The following KDM2B variants were observed in gnomAD, a reference collection of about 807,000 sequenced individuals.
KDM2B encodes the protein lysine demethylase 2B.
A neutral mutation model predicts 150.0 loss-of-function variants in KDM2B; 26 were observed. The observed-to-expected ratio is 0.17, with a 90% confidence interval of 0.13 to 0.24. The LOEUF (loss-of-function observed/expected upper bound fraction) is 0.24, where lower values mean the gene tolerates loss of function less well. Among genes scored for constraint, KDM2B ranks in the 10% least tolerant of loss-of-function variants. The pLI is 1.00. For synonymous variants in KDM2B, 734 were observed against 729.5 expected (o/e 1.01, Z -0.10); for missense variants, 1,265 against 1,816.9 (o/e 0.70, Z 5.52).
chr12:121,433,648 A>G (rs1873443838), intron 22 of KDM2B, among the ~76,000 whole-genome samples: 2 of 152,266 alleles, frequency 1.3e-5, no homozygotes, highest in Admixed American at 6.5e-5. Context: ...AGCACTACCC[A>G]CAGCAATCTA....
At position 121,467,303 on chromosome 12, in the gene KDM2B, C is replaced by G; in HGVS notation, c.1735-13959G>C. The G allele has an allele frequency of 1.0e-6, 1 of 981,790 alleles. No individual in the cohort carries two copies. Among genetic ancestry groups the G allele is most frequent in the African/African-American group, 1.8e-5 (1 of 56,468 alleles). The allele number at this position is 981,790 out of a possible 1,614,324, so 60.8% of individuals were successfully genotyped here. The stretch of plus-strand genomic sequence containing the variant: ...CCGGAGCAGGCTCGGCTCGCCCTGG[C>G]TCGGGCTCGGGCTCGGGCTCGGGCT... On this transcript the variant is annotated intron_variant, in intron 12 of 22. Transcript: ENST00000377071. The surrounding 1 kb of genome is among the most constrained non-coding windows in gnomAD (Gnocchi z 5.1).
intron 11 of KDM2B, 40 bp from the exon 12 acceptor site, chr12:121,494,705 G>C (rs782543249): frequency 1.3e-6 from 2 of 1,523,384 alleles, no homozygotes; most frequent in Admixed American, 3.6e-5. Flanking sequence ...CCAGGGGGAA[G>C]GGGAGGTCTC....
chr12:121,582,126 C>G (rs1891989198), upstream of KDM2B, among the ~76,000 whole-genome samples: 1 of 152,146 alleles, frequency 6.6e-6, no homozygotes, highest in Non-Finnish European at 1.5e-5. Flanking sequence ...AACCATGGAC[C>G]ATTTTATTTG....
chr12:121,466,893 G>C (rs1424959530), intron 12 of KDM2B, among the ~76,000 whole-genome samples: 1 of 146,458 alleles, frequency 6.8e-6, no homozygotes, highest in Non-Finnish European at 1.5e-5. Context: ...GGCGAGGCCC[G>C]GCGGCCCACA....
In KDM2B at chr12:121,510,047, G is replaced by C. The variant is rs1885442117; in HGVS notation, c.1175-8C>G. Reference sequence around the variant, plus strand: ...TGGGCTTCCTCGGGGCATCTGTGGGGGCAGGGTCACAAGAAAGACCGAGAT... The same window carrying C: ...TGGGCTTCCTCGGGGCATCTGTGGGCGCAGGGTCACAAGAAAGACCGAGAT... On this transcript the variant is annotated splice_polypyrimidine_tract_variant and splice_region_variant and intron_variant, in intron 10 of 22. Transcript: ENST00000377071. 6.5e-7 allele frequency: 1 copy of C among 1,531,784 alleles called. No homozygotes were observed. The highest frequency in any genetic ancestry group is 1.4e-5 in the African/African-American group (1 of 72,318). The allele number at this position is 1,531,784 out of a possible 1,614,324, so 94.9% of individuals were successfully genotyped here. A position where few individuals can be genotyped will look rare whatever the true frequency, so the allele number is the denominator to read the frequency against.
chr12:121,559,820 T>C (rs1890205906), intron 4 of KDM2B, among the ~76,000 whole-genome samples: 1 of 151,748 alleles, frequency 6.6e-6, no homozygotes, highest in Non-Finnish European at 1.5e-5. Flanking sequence ...GGAGAACTGC[T>C]TAAACCCGGG....
intron 13 of KDM2B, among the ~76,000 whole-genome samples, chr12:121,449,164 TCTC>T (rs781886773): frequency 1.2e-4 from 18 of 148,002 alleles, no homozygotes; most frequent in Admixed American, 5.4e-4. Flanking sequence ...CAGAGGCAAA[TCTC>T]CTGCAGGGGC....
chr12:121,506,386 C>T (rs1885071958), intron 11 of KDM2B, among the ~76,000 whole-genome samples: 5 of 152,122 alleles, frequency 3.3e-5, no homozygotes, highest in Admixed American at 6.6e-5. Context: ...GAGGTGATGG[C>T]ACCCACGTCC....
chr12:121,422,649 C>T, the KDM2B span, among the ~76,000 whole-genome samples: 1 of 152,214 alleles, frequency 6.6e-6, no homozygotes, highest in Admixed American at 6.5e-5. Context: ...ATTCATGATT[C>T]CCTTTGATCT....
intron 4 of KDM2B, among the ~76,000 whole-genome samples, chr12:121,566,553 G>A (rs994233854): frequency 4.0e-5 from 6 of 151,836 alleles, no homozygotes; most frequent in East Asian, 3.9e-4. Context: ...ACGGGGAGGC[G>A]GAGGTTGCAG....
At chr12:121,579,943 CAAAAAA>C (rs61355823) in intron 1 of KDM2B, 6 of 1,107,242 alleles carry the variant, frequency 5.4e-6, no homozygotes, top group Non-Finnish European at 5.7e-6. Context: ...GAGAAACAAC[CAAAAAA>C]AAAAAAAAAA....
upstream of KDM2B, among the ~76,000 whole-genome samples, chr12:121,581,994 G>C (rs1286118656): frequency 2.0e-5 from 3 of 152,206 alleles, no homozygotes; most frequent in African/African-American, 7.2e-5. Context: ...AATCTTTTAA[G>C]CAGGGATGAG....
intron 9 of KDM2B, among the ~76,000 whole-genome samples, chr12:121,517,038 G>T (rs1034434603): frequency 4.1e-4 from 62 of 152,076 alleles, no homozygotes; most frequent in African/African-American, 1.4e-3. Flanking sequence ...GCCACTGGGA[G>T]GGGGGGAAAG....
rs1555289907 is a variant in KDM2B at position 121,445,284 on chromosome 12, T to G, written c.2094A>C (p.Gly698=). The part of the protein sequence containing the change: ...CSICNEIIHP[G]CLKIKESEGV... ...CCACTGGGCCACTCACCTTAAGGCA[T>G]CCAGGGTGGATGATTTCATTGCAGA... Residue 698 remains glycine (G), a synonymous_variant, in exon 14 of 23, where the codon GGA becomes GGC. Transcript: ENST00000377071. 1 of 1,613,966 alleles carries G rather than the reference T, an allele frequency of 6.2e-7. No individual in the cohort carries two copies. The highest frequency in any genetic ancestry group is 1.7e-5 in the Admixed American group (1 of 60,018).
At chr12:121,579,622 C>T in intron 1 of KDM2B, 1 of 1,321,902 alleles carries the variant, frequency 7.6e-7, no homozygotes, top group Non-Finnish European at 9.9e-7. Flanking sequence ...CAGCAGCTGC[C>T]TCATCTCCCC....
intron 6 of KDM2B, among the ~76,000 whole-genome samples, chr12:121,540,495 T>TC (rs1280842605): frequency 3.3e-5 from 5 of 152,076 alleles, no homozygotes; most frequent in Non-Finnish European, 7.4e-5. Flanking sequence ...ACACCTATAA[T>TC]CCCAGCATTT....
chr12:121,572,598 T>C (rs1405891359), intron 4 of KDM2B, among the ~76,000 whole-genome samples: 1 of 152,178 alleles, frequency 6.6e-6, no homozygotes, highest in East Asian at 1.9e-4. Context: ...CCACGTGCCA[T>C]GCCATTATTC....
chr12:121,430,350 C>T lies in KDM2B; in HGVS notation c.3949G>A (p.Glu1317Lys), dbSNP rs1566244135. 6 of 1,614,104 alleles carry T rather than the reference C, an allele frequency of 3.7e-6. No homozygotes were observed. The highest frequency in any genetic ancestry group is 5.1e-6 in the Non-Finnish European group (6 of 1,179,946). Residue 1317 changes from glutamate (E) to lysine (K), a missense_variant, in exon 23 of 23, where the codon GAG becomes AAG. Glu to Lys is a moderately conservative substitution (Grantham distance 56). Transcript: ENST00000377071. The surrounding 1 kb of genome is among the most constrained non-coding windows in gnomAD (Gnocchi z 4.4). ...TKEGCEQFIAEMSVSVQFGQV... is the reference protein window; with the variant it reads ...TKEGCEQFIAKMSVSVQFGQV... Reference sequence around the variant, plus strand: ...CCAAACTGGACACTCACAGACATCTCGGCTATGAACTGCTCACAGCCTTCC... The same window carrying T: ...CCAAACTGGACACTCACAGACATCTTGGCTATGAACTGCTCACAGCCTTCC...
intron 12 of KDM2B, among the ~76,000 whole-genome samples, chr12:121,479,024 T>C (rs1881744875): frequency 6.6e-6 from 1 of 152,086 alleles, no homozygotes. Flanking sequence ...CCTCAGGCTG[T>C]GATCTTGAAG....
Sources: allele counts gnomAD v4.1 joint callset (sites outside exome capture counted in the v4.1 genomes callset), GRCh38; gene constraint gnomAD v4.1.1; non-coding constraint Gnocchi (gnomAD v3.1); transcripts MANE v1.5; gene names NCBI Gene and HGNC (gene_info 2026-07-23, HGNC 2026-07-21).